MTA1: variants seen among roughly 807,000 people sequenced by gnomAD.
MTA1 encodes metastasis associated 1.
MTA1 carries 15 observed loss-of-function variants against 97.0 expected under a neutral mutation model. The observed-to-expected ratio is 0.15, with a 90% CI of 0.10 to 0.24. The LOEUF (loss-of-function observed/expected upper bound fraction) is 0.24. Ranked by LOEUF, MTA1 falls within the 10% of genes least tolerant of loss-of-function variation. The probability of loss-of-function intolerance (pLI) is 1.00; values close to 1 mark genes in which losing one functional copy is unlikely to be tolerated. For synonymous variants in MTA1, 435 were observed against 417.5 expected (o/e 1.04, Z -0.51); for missense variants, 709 against 1,015.1 (o/e 0.70, Z 4.10).
intron 6 of MTA1, among the ~76,000 whole-genome samples, chr14:105,451,893 C>T (rs1355598069): frequency 1.3e-5 from 2 of 148,476 alleles, no homozygotes; most frequent in Admixed American, 1.4e-4. Flanking sequence ...CGGGTTCAAG[C>T]GATTCTCCTG....
intron 2 of MTA1, among the ~76,000 whole-genome samples, chr14:105,441,171 C>T (rs2082498436): frequency 6.6e-6 from 1 of 152,178 alleles, no homozygotes; most frequent in Non-Finnish European, 1.5e-5. Flanking sequence ...CTCAGAGGAC[C>T]CAGATTTGGG....
chr14:105,447,710 C>T (rs2082765012), intron 3 of MTA1, among the ~76,000 whole-genome samples: 1 of 152,212 alleles, frequency 6.6e-6, no homozygotes, highest in African/African-American at 2.4e-5. Flanking sequence ...GAGAGCCCAG[C>T]TGCAGGGAGC....
At chr14:105,453,285 A>C (rs143770963) in intron 6 of MTA1, among the ~76,000 whole-genome samples, 2 of 152,284 alleles carry the variant, frequency 1.3e-5, no homozygotes, top group Non-Finnish European at 2.9e-5. Flanking sequence ...GGTTGTGCCC[A>C]GAACTCCTGA....
At chr14:105,467,151 C>T (rs782028831) in intron 18 of MTA1, 21 of 368,502 alleles carry the variant, frequency 5.7e-5, no homozygotes, top group Admixed American at 8.3e-5. Flanking sequence ...CTGTGTGGGC[C>T]GTGGGCAACT....
intron 1 of MTA1, among the ~76,000 whole-genome samples, chr14:105,436,436 G>A (rs1404503389): frequency 5.9e-5 from 9 of 151,958 alleles, no homozygotes; most frequent in African/African-American, 9.7e-5. Context: ...GTACAGTTCC[G>A]TGAATTTTGG....
At chr14:105,449,264 C>G in intron 3 of MTA1, 95 bp from the exon 4 acceptor site, 5 of 1,338,586 alleles carry the variant, frequency 3.7e-6, no homozygotes, top group Non-Finnish European at 5.1e-6. Context: ...TGCCCTGCCC[C>G]CTGGCGGCAC....
At position 105,463,604 on chromosome 14, in the gene MTA1, T is replaced by A; in HGVS notation, c.1076+53T>A. 6.4e-7 allele frequency: 1 copy of A among 1,574,292 alleles called. No homozygotes were observed. The highest frequency in any genetic ancestry group is 8.7e-7 in the Non-Finnish European group (1 of 1,145,392). ...TCGTGGCCCCGGGGGCCAGGGAGGG[T>A]GGGCACAGGGTGCTGGGGCCAGGCG... On this transcript the variant is annotated intron_variant, in intron 12 of 20. Coordinates refer to ENST00000331320, the MANE Select transcript of MTA1 (RefSeq NM_004689.4). This position sits in a 1 kb window ranked among gnomAD's most constrained non-coding sequence, Gnocchi z 5.9.
At position 105,424,293 on chromosome 14, in the gene MTA1, A is replaced by G. The variant is rs1555421709; in HGVS notation, c.28+4230A>G. Among the ~76,000 whole-genome samples the G allele has an allele frequency of 6.6e-6, 1 of 151,552 alleles. No homozygotes were observed. The highest frequency in any genetic ancestry group is 1.5e-5 in the Non-Finnish European group (1 of 67,948). Reference sequence around the variant, plus strand: ...CACTGCAAGTCCGCCTCCCGGGTTCACACCATTCTCCTGCCTCAGCCTCCC... The same window carrying G: ...CACTGCAAGTCCGCCTCCCGGGTTCGCACCATTCTCCTGCCTCAGCCTCCC... On this transcript the variant is annotated intron_variant, in intron 1 of 20. Transcript: ENST00000331320. This position sits in a 1 kb window ranked among gnomAD's most constrained non-coding sequence, Gnocchi z 4.0.
Position 105,466,427 on chromosome 14 carries a change from G to GTGGGGC in MTA1, c.1626_1627insTGGGGC (p.Glu542_Thr543insTrpGly). 6.3e-7 allele frequency: 1 copy of GTGGGGC among 1,592,102 alleles called. No individual in the cohort carries two copies. The highest frequency in any genetic ancestry group is 8.6e-7 in the Non-Finnish European group (1 of 1,165,316). On this transcript the variant is annotated inframe_insertion and splice_region_variant, in exon 17 of 21. Coordinates refer to ENST00000331320, the MANE Select transcript of MTA1 (RefSeq NM_004689.4). ...TTCTGCCTGTGTCATTCCCGGCAGAGACCCACCCCCGCCCCCCCAAGCCTG... is the reference window on the plus strand; with the variant it reads ...TTCTGCCTGTGTCATTCCCGGCAGAGTGGGGCACCCACCCCCGCCCCCCCAAGCCTG...
rs1470582989 is a variant in MTA1 at position 105,420,344 on chromosome 14, G to T, written c.28+281G>T. Among the ~76,000 whole-genome samples, 1 of 151,404 alleles carries T rather than the reference G, an allele frequency of 6.6e-6. No individual in the cohort carries two copies. Among genetic ancestry groups the T allele is most frequent in the Admixed American group, 6.6e-5 (1 of 15,230 alleles). On this transcript the variant is annotated intron_variant, in intron 1 of 20. Coordinates refer to ENST00000331320, the MANE Select transcript of MTA1 (RefSeq NM_004689.4). This position sits in a 1 kb window ranked among gnomAD's most constrained non-coding sequence, Gnocchi z 5.3. ...GCGGCCGCGGGGGTGGCGGGGGGGC[G>T]CGGGGCCTGCGGGACATCCGGGGGT...
chr14:105,441,981 T>A (rs587641325), intron 2 of MTA1, among the ~76,000 whole-genome samples: 1 of 151,692 alleles, frequency 6.6e-6, no homozygotes, highest in Non-Finnish European at 1.5e-5. Flanking sequence ...AATGAAAGGA[T>A]CAGGTGATAA....
intron 3 of MTA1, chr14:105,449,001 G>T: frequency 4.1e-6 from 1 of 244,948 alleles, no homozygotes; most frequent in Non-Finnish European, 7.8e-6. Flanking sequence ...CTAGCACAGG[G>T]CAGGAATCCC....
chr14:105,427,475 G>T (rs1321769150), intron 1 of MTA1, among the ~76,000 whole-genome samples: 2 of 152,184 alleles, frequency 1.3e-5, no homozygotes, highest in Non-Finnish European at 2.9e-5. Flanking sequence ...TGTTGGACAG[G>T]CTCTGCCCCA....
At position 105,438,675 on chromosome 14, in the gene MTA1, A is replaced by G. The variant is rs1555424960; in HGVS notation, c.32A>G (p.Tyr11Cys). 1.2e-6 allele frequency: 2 copies of G among 1,613,430 alleles called. No individual in the cohort carries two copies. Among genetic ancestry groups the G allele is most frequent in the South Asian group, 2.2e-5 (2 of 91,078 alleles). The change falls in exon 2 of 21, where the codon TAC becomes TGC. Residue 11 changes from tyrosine to cysteine, a missense_variant. This residue lies in a region of MTA1 where 321 missense variants were observed against 593.5 expected (regional missense o/e 0.54). Transcript: ENST00000331320. MAANMYRVGD[Y>C]VYFENSSSNP... ...CTCTCTCTGTTGCTGTTTGCAGACT[A>G]CGTCTACTTTGAGAACTCCTCCAGC...
At chr14:105,451,843 T>C (rs1339782069) in intron 6 of MTA1, among the ~76,000 whole-genome samples, 2 of 140,042 alleles carry the variant, frequency 1.4e-5, no homozygotes, top group African/African-American at 5.4e-5. Flanking sequence ...CAGGCTGGAG[T>C]ACAGTGGCGC....
At chr14:105,432,301 C>T (rs1473430111) in intron 1 of MTA1, among the ~76,000 whole-genome samples, 3 of 152,078 alleles carry the variant, frequency 2.0e-5, no homozygotes, top group African/African-American at 4.8e-5. Flanking sequence ...AGTGCAGTGG[C>T]GTGATCTCGG....
intron 1 of MTA1, among the ~76,000 whole-genome samples, chr14:105,427,055 A>G (rs1057240284): frequency 2.0e-5 from 3 of 152,202 alleles, no homozygotes; most frequent in Non-Finnish European, 2.9e-5. Context: ...GGCAGGGACC[A>G]CGGGCACCGC....
chr14:105,454,394 A>G (rs2083063015), intron 7 of MTA1, 84 bp downstream of exon 7: 1 of 980,716 alleles, frequency 1.0e-6, no homozygotes, highest in Non-Finnish European at 1.6e-6. Flanking sequence ...AGGCTGGGAC[A>G]TGGCCGTGTC....
In MTA1 at chr14:105,470,652, T is replaced by G; in HGVS notation, c.*437T>G. ...GGCCGGCCGAGCTGCCTGGCGGGGT[T>G]GGCCCTTGTCTTTTCAAGTAATTTT... On this transcript the variant is annotated 3_prime_UTR_variant, in exon 21 of 21. Transcript: ENST00000331320. The G allele has an allele frequency of 6.2e-6, 1 of 161,472 alleles. No homozygotes were observed. The allele number at this position is 161,472 out of a possible 1,614,324, so 10.0% of individuals were successfully genotyped here.
Sources: gnomAD v4.1 joint callset for allele counts (sites outside exome capture counted in the v4.1 genomes callset) on GRCh38, gnomAD v4.1.1 for gene constraint, gnomAD v4.1.1 regional missense constraint, Gnocchi (gnomAD v3.1) non-coding constraint, MANE v1.5 for transcripts, NCBI Gene and HGNC (gene_info 2026-07-23, HGNC 2026-07-21) for gene names.